The following LGMN variants were observed in gnomAD, a reference collection of about 807,000 sequenced individuals.
LGMN encodes asparaginyl endopeptidase.
Under a neutral mutation model 56.8 loss-of-function variants are expected in LGMN, and 36 were observed. That is an observed-to-expected ratio of 0.63 (90% CI 0.49 to 0.84). The LOEUF (loss-of-function observed/expected upper bound fraction) is 0.84. LGMN is among the 40% of genes least tolerant of loss of function. LGMN has a pLI of 0.00. For synonymous variants in LGMN, 199 were observed against 210.1 expected (o/e 0.95, Z 0.46); for missense variants, 446 against 556.1 (o/e 0.80, Z 1.99).
intron 2 of LGMN, among the ~76,000 whole-genome samples, chr14:92,726,507 G>A (rs1254545166): frequency 1.3e-5 from 2 of 152,198 alleles, no homozygotes; most frequent in Non-Finnish European, 2.9e-5. Flanking sequence ...GTGTGTGGGG[G>A]TGGGGAAGGG....
chr14:92,709,985 AACAT>A, intron 10 of LGMN, 113 bp from the exon 11 acceptor site: 1 of 772,114 alleles, frequency 1.3e-6, no homozygotes, highest in Non-Finnish European at 2.0e-6. Flanking sequence ...AGAGGTGCCC[AACAT>A]ACCCCAAGTC....
chr14:92,720,430 G>A (rs1890398293), intron 2 of LGMN, among the ~76,000 whole-genome samples: 2 of 152,228 alleles, frequency 1.3e-5, no homozygotes, highest in Non-Finnish European at 2.9e-5. Context: ...CACTTTGGGA[G>A]GCTGAGGCGG....
intron 1 of LGMN, among the ~76,000 whole-genome samples, chr14:92,746,045 TCTC>T (rs1380059377): frequency 6.6e-6 from 1 of 152,066 alleles, no homozygotes; most frequent in Non-Finnish European, 1.5e-5. Flanking sequence ...ATGGTCTTGA[TCTC>T]CTGACGTCAT....
In LGMN at chr14:92,714,723, G is replaced by A. The variant is rs1889976516; in HGVS notation, c.405-272C>T. On this transcript the variant is annotated intron_variant, in intron 5 of 13. Transcript: ENST00000334869. This position sits in a 1 kb window ranked among gnomAD's most constrained non-coding sequence, Gnocchi z 5.1. Reference sequence around the variant, plus strand: ...GGGGCCTTTCCTGGGCAACCCATCAGACAGACCTGGTGTGAGGTGGATAGT... The same window carrying A: ...GGGGCCTTTCCTGGGCAACCCATCAAACAGACCTGGTGTGAGGTGGATAGT... Among the ~76,000 whole-genome samples, 1 of 152,136 alleles carries A rather than the reference G, an allele frequency of 6.6e-6. No homozygotes were observed. Among genetic ancestry groups the A allele is most frequent in the Admixed American group, 6.5e-5 (1 of 15,274 alleles).
At chr14:92,742,116 T>C (rs2140280679) in intron 1 of LGMN, among the ~76,000 whole-genome samples, 1 of 151,998 alleles carries the variant, frequency 6.6e-6, no homozygotes, top group East Asian at 1.9e-4. Flanking sequence ...CCTCAAAAAA[T>C]GGCACCTTAG....
chr14:92,711,843 C>T lies in LGMN; in HGVS notation c.723G>A (p.Ser241=), dbSNP rs151043751. The T allele has an allele frequency of 4.2e-4, 678 of 1,612,416 alleles. No individual in the cohort carries two copies. The highest frequency in any genetic ancestry group is 5.4e-4 in the Non-Finnish European group (631 of 1,178,424). The part of the protein sequence containing the change: ...DWYSVNWMED[S]DVEDLTKETL... ...CAGCCCCCAAAGGGCTCACCACGTC[C>T]GAATCTTCCATCCAGTTGACGCTGT... Residue 241 remains serine, a synonymous_variant, in exon 9 of 14, where the codon TCG becomes TCA. Transcript: ENST00000334869.
intron 2 of LGMN, among the ~76,000 whole-genome samples, chr14:92,724,252 C>T (rs955538982): frequency 4.6e-5 from 7 of 152,170 alleles, no homozygotes; most frequent in African/African-American, 9.7e-5. Context: ...TTTGGGACCC[C>T]CAGCACCCTT....
In LGMN at chr14:92,718,765, TC is replaced by T. The variant is rs768469339; in HGVS notation, c.217del (p.Asp73ThrfsTer14). ...DEQIVVMMYD[D>X]IAYSEDNPTP... Reference sequence around the variant, plus strand: ...CACTTACTCTTCAGAGTAAGCAATGTCATCGTACATCATCACAACGATCTGT... The same window carrying T: ...CACTTACTCTTCAGAGTAAGCAATGTATCGTACATCATCACAACGATCTGT... On this transcript the variant is annotated frameshift_variant, in exon 3 of 14. Coordinates refer to ENST00000334869, the MANE Select transcript of LGMN (RefSeq NM_005606.7). LOFTEE classifies it high-confidence loss of function. The T allele has an allele frequency of 1.2e-6, 2 of 1,612,008 alleles. No individual in the cohort carries two copies. The highest frequency in any genetic ancestry group is 8.5e-7 in the Non-Finnish European group (1 of 1,178,324).
intron 1 of LGMN, among the ~76,000 whole-genome samples, chr14:92,747,883 G>T (rs1891888378): frequency 6.6e-6 from 1 of 152,082 alleles, no homozygotes; most frequent in African/African-American, 2.4e-5. Flanking sequence ...ACTCCACGTA[G>T]GTATAACCTC....
chr14:92,744,801 T>C (rs1032050866), intron 1 of LGMN, among the ~76,000 whole-genome samples: 8 of 152,154 alleles, frequency 5.3e-5, no homozygotes, highest in Non-Finnish European at 1.0e-4. Flanking sequence ...TTCTCCATGT[T>C]GAGGCTGGTC....
At chr14:92,712,446 AT>A (rs913628035) in intron 8 of LGMN, among the ~76,000 whole-genome samples, 1 of 152,204 alleles carries the variant, frequency 6.6e-6, no homozygotes, top group African/African-American at 2.4e-5. Flanking sequence ...CTTTATCCCC[AT>A]TTTACAGATG....
chr14:92,714,914 G>A lies in LGMN; in HGVS notation c.405-463C>T, dbSNP rs900820086. On this transcript the variant is annotated intron_variant, in intron 5 of 13. Coordinates refer to ENST00000334869, the MANE Select transcript of LGMN (RefSeq NM_005606.7). The surrounding 1 kb of genome is among the most constrained non-coding windows in gnomAD (Gnocchi z 5.1). ...CTCACCAGGGCTTCCACCAGATGGC[G>A]CTGCTTCAAAGTGGCAGAGATGTAG... Among the ~76,000 whole-genome samples, 9 of 151,934 alleles carry A rather than the reference G, an allele frequency of 5.9e-5. No homozygotes were observed. The highest frequency in any genetic ancestry group is 1.2e-4 in the Non-Finnish European group (8 of 68,008).
intron 2 of LGMN, among the ~76,000 whole-genome samples, chr14:92,723,110 G>A (rs997838372): frequency 3.3e-5 from 5 of 151,510 alleles, no homozygotes; most frequent in African/African-American, 9.7e-5. Flanking sequence ...GCAGTGGTGC[G>A]ATCTCGGCTC....
At chr14:92,706,212 T>C (rs1595523332) in intron 12 of LGMN, 1 of 352,534 alleles carries the variant, frequency 2.8e-6, no homozygotes, top group Non-Finnish European at 5.1e-6. Context: ...ACAGCAGAAG[T>C]GTGAACACAA....
chr14:92,725,151 A>G (rs953448630), intron 2 of LGMN, among the ~76,000 whole-genome samples: 1 of 152,222 alleles, frequency 6.6e-6, no homozygotes, highest in Admixed American at 6.5e-5. Context: ...ATTTACAAGG[A>G]CGGCCCTGCT....
intron 1 of LGMN, among the ~76,000 whole-genome samples, chr14:92,745,191 C>A (rs572436894): frequency 1.1e-4 from 16 of 152,276 alleles, no homozygotes; most frequent in Middle Eastern, 3.4e-3. Flanking sequence ...ATAACTTCTC[C>A]ACATTTTAAT....
At chr14:92,707,827 A>G (rs1889521078) in intron 11 of LGMN, among the ~76,000 whole-genome samples, 1 of 152,212 alleles carries the variant, frequency 6.6e-6, no homozygotes, top group African/African-American at 2.4e-5. Context: ...AAGAAGTCCT[A>G]TATGATTTAC....
intron 12 of LGMN, among the ~76,000 whole-genome samples, chr14:92,705,372 C>T (rs368360703): frequency 2.6e-5 from 4 of 151,938 alleles, no homozygotes; most frequent in African/African-American, 7.2e-5. Context: ...TGTGGTGGCG[C>T]GTGCCTGTAA....
intron 2 of LGMN, 116 bp from the exon 3 acceptor site, chr14:92,718,960 A>G (rs1890210989): frequency 1.6e-6 from 1 of 628,716 alleles, no homozygotes; most frequent in Admixed American, 2.7e-5. Flanking sequence ...CCCGTCGGTC[A>G]GGCATTTAAA....
Sources: allele counts gnomAD v4.1 joint callset (sites outside exome capture counted in the v4.1 genomes callset), GRCh38; gene constraint gnomAD v4.1.1; non-coding constraint Gnocchi (gnomAD v3.1); transcripts MANE v1.5; gene names NCBI Gene and HGNC (gene_info 2026-07-23, HGNC 2026-07-21).